MMP16: variants seen among roughly 807,000 people sequenced by gnomAD.
MMP16 encodes matrix metallopeptidase 16, also known as matrix metalloproteinase-16.
Under a neutral mutation model 67.8 loss-of-function variants are expected in MMP16, and 12 were observed. The ratio of observed to expected loss-of-function variants is 0.18; its 90% confidence interval spans 0.11 to 0.29. The LOEUF (loss-of-function observed/expected upper bound fraction) is 0.29, where lower values mean the gene tolerates loss of function less well. Ranked by LOEUF, MMP16 falls within the 10% of genes least tolerant of loss-of-function variation. MMP16 has a pLI of 1.00. For synonymous variants in MMP16, 249 were observed against 255.9 expected, an observed-to-expected ratio of 0.97 and a Z score of 0.26; for missense variants, 475 against 765.7, an observed-to-expected ratio of 0.62 and a Z score of 4.48.
At chr8:88,250,416 G>C (rs375380032) in intron 1 of MMP16, among the ~76,000 whole-genome samples, 3 of 151,858 alleles carry the variant, frequency 2.0e-5, no homozygotes, top group African/African-American at 2.4e-5. Flanking sequence ...TTAAATAAAG[G>C]CCTGAAAATT....
intron 1 of MMP16, among the ~76,000 whole-genome samples, chr8:88,249,759 A>T (rs1810176911): frequency 6.6e-6 from 1 of 152,030 alleles, no homozygotes; most frequent in Admixed American, 6.6e-5. Context: ...ACACCACAAA[A>T]TCAAGACTGC....
chr8:88,200,698 T>C (rs763457058), intron 1 of MMP16, among the ~76,000 whole-genome samples: 2 of 151,996 alleles, frequency 1.3e-5, no homozygotes, highest in Non-Finnish European at 2.9e-5. Flanking sequence ...GCAAAATTCA[T>C]TAATGAATTC....
chr8:88,256,070 T>C (rs1376333924), intron 1 of MMP16, among the ~76,000 whole-genome samples: 1 of 152,198 alleles, frequency 6.6e-6, no homozygotes, highest in African/African-American at 2.4e-5. Context: ...AAACAGCTCA[T>C]CTCCTATTTT....
chr8:88,038,571 A>G lies in MMP16; in HGVS notation c.*2890T>C. 6.6e-6 allele frequency: 1 copy of G among 152,578 alleles called. No individual in the cohort carries two copies. Among genetic ancestry groups the G allele is most frequent in the East Asian group, 1.9e-4 (1 of 5,192 alleles). The allele number at this position is 152,578 out of a possible 1,614,324, so 9.5% of individuals were successfully genotyped here. A position where few individuals can be genotyped will look rare whatever the true frequency, so the allele number is the denominator to read the frequency against. On this transcript the variant is annotated 3_prime_UTR_variant, in exon 10 of 10. Coordinates refer to ENST00000286614, the MANE Select transcript of MMP16 (RefSeq NM_005941.5). The surrounding 1 kb of genome is among the most constrained non-coding windows in gnomAD (Gnocchi z 4.1). ...GTGATGGAGTTCCTCAATGATTTGC[A>G]CATGTCCCAAAATGACACAGTTCCT... is the stretch of plus-strand genomic sequence containing the variant.
At chr8:88,047,767 T>C (rs544660182) in intron 8 of MMP16, among the ~76,000 whole-genome samples, 3 of 152,306 alleles carry the variant, frequency 2.0e-5, no homozygotes, top group South Asian at 2.1e-4. Flanking sequence ...AGAAATCATA[T>C]ATATTTTGAA....
intron 1 of MMP16, among the ~76,000 whole-genome samples, chr8:88,303,483 G>T (rs1811163879): frequency 6.6e-6 from 1 of 152,214 alleles, no homozygotes. Flanking sequence ...CTTTAAGTGG[G>T]TCCCTGATCC....
At chr8:88,153,303 C>T (rs1808442618) in intron 4 of MMP16, among the ~76,000 whole-genome samples, 2 of 152,184 alleles carry the variant, frequency 1.3e-5, no homozygotes, top group Admixed American at 6.5e-5. Flanking sequence ...AGGTAATTTA[C>T]AGATTCAATG....
At chr8:88,099,814 G>A (rs1238337849) in intron 6 of MMP16, among the ~76,000 whole-genome samples, 1 of 151,830 alleles carries the variant, frequency 6.6e-6, no homozygotes, top group Non-Finnish European at 1.5e-5. Flanking sequence ...CAATTTATAT[G>A]CTCTTGTTAT....
intron 1 of MMP16, among the ~76,000 whole-genome samples, chr8:88,203,058 G>A (rs966297123): frequency 6.6e-6 from 1 of 151,062 alleles, no homozygotes; most frequent in Non-Finnish European, 1.5e-5. Flanking sequence ...CAAAGTGGGG[G>A]GTGCAAAATG....
At chr8:88,139,381 C>A (rs1206886873) in intron 4 of MMP16, among the ~76,000 whole-genome samples, 1 of 152,030 alleles carries the variant, frequency 6.6e-6, no homozygotes, top group Non-Finnish European at 1.5e-5. Flanking sequence ...AGTATACTAC[C>A]CCATCTCTCC....
At chr8:88,142,078 T>C (rs1808221046) in intron 4 of MMP16, among the ~76,000 whole-genome samples, 1 of 151,924 alleles carries the variant, frequency 6.6e-6, no homozygotes, top group Non-Finnish European at 1.5e-5. Flanking sequence ...CTAATTTTTT[T>C]TTTTGTATTT....
At position 88,212,505 on chromosome 8, in the gene MMP16, G is replaced by A. The variant is rs530488577; in HGVS notation, c.133-15199C>T. On this transcript the variant is annotated intron_variant, in intron 1 of 9. Coordinates refer to ENST00000286614, the MANE Select transcript of MMP16 (RefSeq NM_005941.5). ...TAATAATATTTCCAAAATATCTAAAGAACATATGACAAATTTAGGTAACAG... is the reference window on the plus strand; with the variant it reads ...TAATAATATTTCCAAAATATCTAAAAAACATATGACAAATTTAGGTAACAG... Among the ~76,000 whole-genome samples the A allele has an allele frequency of 2.6e-5, 4 of 151,964 alleles. No individual in the cohort carries two copies. In the South Asian group the frequency reaches 8.3e-4, roughly 32 times the overall value.
At chr8:88,094,765 T>C (rs1808997368) in intron 6 of MMP16, among the ~76,000 whole-genome samples, 1 of 151,736 alleles carries the variant, frequency 6.6e-6, no homozygotes, top group South Asian at 2.1e-4. Flanking sequence ...AGTAGGAAAA[T>C]TTGTCCATTT....
At chr8:88,271,687 T>C (rs1442482121) in intron 1 of MMP16, among the ~76,000 whole-genome samples, 3 of 152,094 alleles carry the variant, frequency 2.0e-5, no homozygotes. Flanking sequence ...AAAGGTTGAT[T>C]CTCAAAGTTT....
chr8:88,094,124 G>A (rs1273194623), intron 6 of MMP16, among the ~76,000 whole-genome samples: 1 of 151,652 alleles, frequency 6.6e-6, no homozygotes, highest in Non-Finnish European at 1.5e-5. Context: ...TGAGTTCTTG[G>A]GAAAGTACGA....
Position 88,223,672 on chromosome 8 carries a change from T to A in MMP16, c.133-26366A>T, listed in dbSNP as rs1264195261. ...GCACTTGGACACAGGGTGCAGAACA[T>A]CACACACTGGGCCTGTCATGGGGTG... On this transcript the variant is annotated intron_variant, in intron 1 of 9. Coordinates refer to ENST00000286614, the MANE Select transcript of MMP16 (RefSeq NM_005941.5). 1.7e-4 allele frequency among the ~76,000 whole-genome samples: 20 copies of A among 117,276 alleles called. No homozygotes were observed. The Admixed American group carries it at 2.4e-3, about 14-fold the overall frequency. 76.9% of individuals were successfully genotyped at this position (117,276 alleles called of 152,430 possible).
At chr8:88,153,371 A>C (rs1563547557) in intron 4 of MMP16, among the ~76,000 whole-genome samples, 1 of 152,148 alleles carries the variant, frequency 6.6e-6, no homozygotes, top group Admixed American at 6.5e-5. Context: ...ACTACTTTAA[A>C]GTTCATATGG....
At chr8:88,234,855 CATAATA>C (rs749060287) in intron 1 of MMP16, among the ~76,000 whole-genome samples, 2 of 152,146 alleles carry the variant, frequency 1.3e-5, no homozygotes, top group Non-Finnish European at 2.9e-5. Flanking sequence ...CAGAAAGTAA[CATAATA>C]ATAAGTTTAC....
intron 1 of MMP16, among the ~76,000 whole-genome samples, chr8:88,306,562 A>T (rs561035710): frequency 6.6e-6 from 1 of 152,328 alleles, no homozygotes; most frequent in Non-Finnish European, 1.5e-5. Context: ...CCAGCAGCAT[A>T]TAAAAAAGCA....
Sources: allele counts gnomAD v4.1 joint callset (sites outside exome capture counted in the v4.1 genomes callset), GRCh38; gene constraint gnomAD v4.1.1; non-coding constraint Gnocchi (gnomAD v3.1); transcripts MANE v1.5; gene names NCBI Gene and HGNC (gene_info 2026-07-23, HGNC 2026-07-21).